METTL14: variants seen among roughly 807,000 people sequenced by gnomAD.
The protein encoded by METTL14 is methyltransferase 14, N6-adenosine-methyltransferase non-catalytic subunit, also known as N(6)-adenosine-methyltransferase non-catalytic subunit METTL14.
METTL14 carries 32 observed loss-of-function variants against 62.4 expected under a neutral mutation model. That is an observed-to-expected ratio of 0.51 (90% CI 0.39 to 0.69). The LOEUF (loss-of-function observed/expected upper bound fraction) is 0.69. Among genes scored for constraint, METTL14 ranks in the 30% least tolerant of loss-of-function variants. The probability of loss-of-function intolerance (pLI) is 0.00; values close to 1 mark genes in which losing one functional copy is unlikely to be tolerated. For synonymous variants in METTL14, 150 were observed against 180.0 expected, an observed-to-expected ratio of 0.83 and a Z score of 1.34; for missense variants, 340 against 551.9, an observed-to-expected ratio of 0.62 and a Z score of 3.85.
intron 5 of METTL14, among the ~76,000 whole-genome samples, chr4:118,692,959 T>C (rs1477872730): frequency 6.6e-6 from 1 of 152,238 alleles, no homozygotes; most frequent in Non-Finnish European, 1.5e-5. Context: ...TTCTTTCACT[T>C]AGCATATTTT....
intron 5 of METTL14, among the ~76,000 whole-genome samples, chr4:118,693,916 T>C (rs544246012): frequency 1.8e-4 from 28 of 152,296 alleles, no homozygotes; most frequent in African/African-American, 6.5e-4. Flanking sequence ...ATTTGTACTT[T>C]TGGTTTTTAA....
chr4:118,692,529 A>T (rs539944825), intron 5 of METTL14, among the ~76,000 whole-genome samples: 2 of 152,154 alleles, frequency 1.3e-5, no homozygotes, highest in Non-Finnish European at 2.9e-5. Flanking sequence ...CAGCCTCCCA[A>T]AGTGCTGAGA....
intron 1 of METTL14, 89 bp downstream of exon 1, chr4:118,685,689 C>A: frequency 9.1e-7 from 1 of 1,095,308 alleles, no homozygotes; most frequent in Non-Finnish European, 1.4e-6. Flanking sequence ...TTTTCTGTCC[C>A]TTCTCTACCT....
chr4:118,686,631 T>C (rs924369203), intron 1 of METTL14: 7 of 456,166 alleles, frequency 1.5e-5, no homozygotes, highest in Admixed American at 9.4e-5. Flanking sequence ...ATTACGATCT[T>C]GGGCAAATCA....
intron 6 of METTL14, among the ~76,000 whole-genome samples, chr4:118,695,979 G>A (rs1270354676): frequency 6.6e-6 from 1 of 151,586 alleles, no homozygotes; most frequent in South Asian, 2.1e-4. Context: ...GTGTGGTGGC[G>A]CACACCTGTA....
In METTL14 at chr4:118,703,051, G is replaced by C. The variant is rs146997774; in HGVS notation, c.739-884G>C. 3.4e-3 allele frequency among the ~76,000 whole-genome samples: 517 copies of C among 151,392 alleles called. 1 individual carries two copies. Among genetic ancestry groups the C allele is most frequent in the South Asian group, 9.0e-3 (43 of 4,784 alleles). On this transcript the variant is annotated intron_variant, in intron 8 of 10. Coordinates refer to ENST00000388822, the MANE Select transcript of METTL14 (RefSeq NM_020961.4). ...AGGTATACATGTGCCATGGTGGTTT[G>C]CTGCACCCATCAACCCGTAATCTAC...
chr4:118,698,340 C>T (rs1012605154), intron 7 of METTL14, among the ~76,000 whole-genome samples: 1 of 151,030 alleles, frequency 6.6e-6, no homozygotes, highest in African/African-American at 2.4e-5. Flanking sequence ...GTAATCCCAG[C>T]TACTCGGGAG....
At chr4:118,694,324 A>T in intron 5 of METTL14, 112 bp from the exon 6 acceptor site, 1 of 646,928 alleles carries the variant, frequency 1.5e-6, no homozygotes. Flanking sequence ...AAAAGATATG[A>T]GTCAAGTGGC....
chr4:118,693,342 A>G (rs1459886346), intron 5 of METTL14, among the ~76,000 whole-genome samples: 1 of 152,012 alleles, frequency 6.6e-6, no homozygotes, highest in Non-Finnish European at 1.5e-5. Context: ...CTGTCTTTTT[A>G]CTATTGAATA....
rs1418157431 is a variant in METTL14 at position 118,704,026 on chromosome 4, CA to C, written c.833del (p.Lys278ArgfsTer19). On this transcript the variant is annotated frameshift_variant, in exon 9 of 11. Transcript: ENST00000388822. LOFTEE classifies it high-confidence loss of function. Reference sequence around the variant, plus strand: ...CCTGGGAAGACTAAGACTTTAGATCCAAAGGCTGTCTTTCAGAGAACAAAGG... The same window carrying C: ...CCTGGGAAGACTAAGACTTTAGATCCAAGGCTGTCTTTCAGAGAACAAAGG... ...NNPGKTKTLD[P>X]KAVFQRTKEH... The C allele has an allele frequency of 3.2e-6, 5 of 1,583,706 alleles. No homozygotes were observed. The highest frequency in any genetic ancestry group is 4.3e-6 in the Non-Finnish European group (5 of 1,169,746).
intron 5 of METTL14, among the ~76,000 whole-genome samples, chr4:118,692,917 A>T (rs1314941086): frequency 6.6e-6 from 1 of 152,202 alleles, no homozygotes; most frequent in Non-Finnish European, 1.5e-5. Context: ...TTGTAAATGA[A>T]ATTATACAAT....
intron 5 of METTL14, among the ~76,000 whole-genome samples, chr4:118,694,173 G>T (rs1724336651): frequency 6.7e-6 from 1 of 148,826 alleles, no homozygotes; most frequent in Non-Finnish European, 1.5e-5. Context: ...TAGGGGTAAT[G>T]GTTTAACTTA....
chr4:118,693,332 C>T (rs1560878562), intron 5 of METTL14, among the ~76,000 whole-genome samples: 1 of 151,982 alleles, frequency 6.6e-6, no homozygotes, highest in African/African-American at 2.4e-5. Context: ...AATTATTTCA[C>T]TGTCTTTTTA....
intron 7 of METTL14, among the ~76,000 whole-genome samples, chr4:118,698,017 AAC>A (rs1332585562): frequency 1.3e-5 from 2 of 152,160 alleles, no homozygotes; most frequent in Non-Finnish European, 2.9e-5. Context: ...GTATTGTTGG[AAC>A]ACAGATTGGG....
intron 4 of METTL14, 43 bp downstream of exon 4, chr4:118,691,655 A>G (rs773433939): frequency 4.7e-5 from 46 of 983,268 alleles, no homozygotes; most frequent in Non-Finnish European, 6.7e-5. Flanking sequence ...TTCATATTTA[A>G]GTTCTATACC....
intron 8 of METTL14, among the ~76,000 whole-genome samples, chr4:118,701,188 T>TTG (rs1459067090): frequency 4.7e-5 from 7 of 150,182 alleles, no homozygotes; most frequent in South Asian, 4.2e-4. Context: ...TTTTTGTTTT[T>TTG]TTTTGTTTTT....
At chr4:118,685,739 C>T (rs1579062232) in intron 1 of METTL14, 139 bp downstream of exon 1, 1 of 737,132 alleles carries the variant, frequency 1.4e-6, no homozygotes, top group Non-Finnish European at 2.3e-6. Context: ...ATCTTGATCC[C>T]TGGTTCTGCC....
Position 118,691,520 on chromosome 4 carries a change from A to T in METTL14, c.244-12A>T, listed in dbSNP as rs1451961279. On this transcript the variant is annotated splice_polypyrimidine_tract_variant and intron_variant, in intron 3 of 10. Transcript: ENST00000388822. ...ATTTGTAAAATATTTACTTAATCTT[A>T]TGTTTTTCAAGGATGAACTAGAAAT... The T allele has an allele frequency of 3.4e-6, 5 of 1,479,814 alleles. No homozygotes were observed. Among genetic ancestry groups the T allele is most frequent in the African/African-American group, 1.4e-5 (1 of 70,042 alleles). 91.7% of individuals were successfully genotyped at this position (1,479,814 alleles called of 1,614,324 possible). A position where few individuals can be genotyped will look rare whatever the true frequency, so the allele number is the denominator to read the frequency against.
In METTL14 at chr4:118,712,902, A is replaced by C. The variant is rs1362793167; in HGVS notation, c.*2600A>C. ...TAGGAATACTTTTTTACTCTTCTTCACTGTGGAGAAAGAAGAGGGCAGGTA... is the reference window on the plus strand; with the variant it reads ...TAGGAATACTTTTTTACTCTTCTTCCCTGTGGAGAAAGAAGAGGGCAGGTA... On this transcript the variant is annotated 3_prime_UTR_variant, in exon 11 of 11. Transcript: ENST00000388822. The C allele has an allele frequency of 6.6e-6, 1 of 152,122 alleles. No individual in the cohort carries two copies. The highest frequency in any genetic ancestry group is 2.4e-5 in the African/African-American group (1 of 41,426). 9.4% of individuals were successfully genotyped at this position (152,122 alleles called of 1,614,324 possible).
Sources: gnomAD v4.1 joint callset for allele counts (sites outside exome capture counted in the v4.1 genomes callset) on GRCh38, gnomAD v4.1.1 for gene constraint, MANE v1.5 for transcripts, NCBI Gene and HGNC (gene_info 2026-07-23, HGNC 2026-07-21) for gene names.